Variants in SLC12A5 observed in about 807,000 individuals in gnomAD.
SLC12A5 encodes the protein solute carrier family 12 member 5.
A neutral mutation model predicts 124.0 loss-of-function variants in SLC12A5; 18 were observed. That is an observed-to-expected ratio of 0.15 (90% CI 0.10 to 0.22). The LOEUF is 0.22. SLC12A5 is among the 10% of genes least tolerant of loss of function. The pLI is 1.00. For missense variants in SLC12A5, 867 were observed against 1,478.7 expected (o/e 0.59, Z 6.78); for synonymous variants, 589 against 568.0 (o/e 1.04, Z -0.53).
chr20:46,022,962 G>GGAGGAGGAGGAGGAA (rs1187735812), exon 2 of SLC12A5: 9 of 398,198 alleles, frequency 2.3e-5, no homozygotes, highest in South Asian at 1.3e-4. Context: ...AGGAGGAGGA[G>GGAGGAGGAGGAGGAA]GAGGAGGAGG....
In SLC12A5 at chr20:46,029,312, A is replaced by T. The variant is rs1398270637; in HGVS notation, c.-33A>T. ...TAGAGGGGCGCGGGCGAGGCGGCGC[A>T]GCCATCCCCGGACCAGGGGCCGCGC... is the stretch of plus-strand genomic sequence containing the variant. On this transcript the variant is annotated 5_prime_UTR_variant, in exon 1 of 26. Coordinates refer to ENST00000243964, the MANE Select transcript of SLC12A5 (RefSeq NM_020708.5). 2 of 1,509,588 alleles carry T rather than the reference A, an allele frequency of 1.3e-6. No homozygotes were observed. Among genetic ancestry groups the T allele is most frequent in the Non-Finnish European group, 1.8e-6 (2 of 1,127,848 alleles). The allele number at this position is 1,509,588 out of a possible 1,614,324, so 93.5% of individuals were successfully genotyped here. A position where few individuals can be genotyped will look rare whatever the true frequency, so the allele number is the denominator to read the frequency against.
At chr20:46,041,115 G>A in intron 7 of SLC12A5, 1 of 518,010 alleles carries the variant, frequency 1.9e-6, no homozygotes, top group East Asian at 3.6e-5. Context: ...GCACTAATGC[G>A]GTGCTTCTCC....
At position 46,056,965 on chromosome 20, in the gene SLC12A5, CCCT is replaced by C; in HGVS notation, c.3125+59_3125+61del. Reference sequence around the variant, plus strand: ...TCTCCTAGGATGGCCAGGGTCCCTACCCTCCTCACTCTGTTGTGAACCCCTAAT... The same window carrying C: ...TCTCCTAGGATGGCCAGGGTCCCTACCCTCACTCTGTTGTGAACCCCTAAT... On this transcript the variant is annotated intron_variant, in intron 24 of 25. Transcript: ENST00000243964. This position sits in a 1 kb window ranked among gnomAD's most constrained non-coding sequence, Gnocchi z 4.3. 1 of 1,613,180 alleles carries C rather than the reference CCCT, an allele frequency of 6.2e-7. No individual in the cohort carries two copies. Among genetic ancestry groups the C allele is most frequent in the Non-Finnish European group, 8.5e-7 (1 of 1,179,238 alleles).
chr20:46,021,925 G>A, intron 1 of SLC12A5: 1 of 1,472,620 alleles, frequency 6.8e-7, no homozygotes, highest in Admixed American at 2.3e-5. Flanking sequence ...AGGGCCGGGC[G>A]GGACGAGGGG....
At chr20:46,029,144 T>C, upstream of SLC12A5, 1 of 1,398,260 alleles carries the variant, frequency 7.2e-7, no homozygotes, top group East Asian at 2.8e-5. Context: ...GCAGCGCCGC[T>C]GCTGAGAGGG....
In SLC12A5 at chr20:46,029,382, G is replaced by A; in HGVS notation, c.38G>A (p.Gly13Glu). The A allele has an allele frequency of 6.5e-7, 1 of 1,549,690 alleles. No individual in the cohort carries two copies. Among genetic ancestry groups the A allele is most frequent in the Non-Finnish European group, 8.7e-7 (1 of 1,146,566 alleles). Residue 13 changes from glycine (G) to glutamate (E), a missense_variant, in exon 1 of 26, where the codon GGG becomes GAG. Transcript: ENST00000243964. The part of the protein sequence containing the change: ...NNLTDCEDGD[G>E]GANPGDGNPK... ...CTGACGGACTGCGAGGACGGCGATG[G>A]GGGAGCCAACCCGGGTAAGCTGTGG... is the stretch of plus-strand genomic sequence containing the variant.
In SLC12A5 at chr20:46,043,584, G is replaced by T. The variant is rs546479617; in HGVS notation, c.1238-49G>T. On this transcript the variant is annotated intron_variant, in intron 9 of 25. Transcript: ENST00000243964. The stretch of plus-strand genomic sequence containing the variant: ...TGGTGCCCTTTTTTCTCATCTGTCT[G>T]GTCTCCTGTGGCCCTGGCTTGAGTC... 5.7e-6 allele frequency: 9 copies of T among 1,584,662 alleles called. No homozygotes were observed. In the East Asian group the frequency reaches 1.6e-4, roughly 28 times the overall value.
At chr20:46,051,505 T>G (rs529278874) in intron 17 of SLC12A5, among the ~76,000 whole-genome samples, 170 bp from the exon 18 acceptor site, 2 of 152,158 alleles carry the variant, frequency 1.3e-5, no homozygotes, top group Admixed American at 6.5e-5. Context: ...GGCACAGAGA[T>G]GATGGGGAGC....
intron 1 of SLC12A5, 47 bp downstream of exon 1, chr20:46,029,443 G>A (rs1235852211): frequency 1.3e-6 from 2 of 1,539,108 alleles, no homozygotes; most frequent in East Asian, 4.9e-5. Context: ...GCGAGGAGAG[G>A]AGGCAGCTCT....
At chr20:46,022,686 T>G (rs2084365104) in intron 1 of SLC12A5, 2 of 395,886 alleles carry the variant, frequency 5.1e-6, no homozygotes, top group East Asian at 3.6e-5. Context: ...TCCGTAAGGG[T>G]TGGGAGGAGC....
chr20:46,059,415 A>G lies in SLC12A5; in HGVS notation c.*1810A>G, dbSNP rs1485398188. ...ACTGGATAGATTCTTTCAGGTACTC[A>G]ATCAGGAAGCTGGAGGTGTTAGACA... On this transcript the variant is annotated 3_prime_UTR_variant, in exon 26 of 26. Coordinates refer to ENST00000243964, the MANE Select transcript of SLC12A5 (RefSeq NM_020708.5). 2.5e-6 allele frequency: 1 copy of G among 396,568 alleles called. No individual in the cohort carries two copies. The highest frequency in any genetic ancestry group is 2.1e-5 in the African/African-American group (1 of 48,584). The allele number at this position is 396,568 out of a possible 1,614,324, so 24.6% of individuals were successfully genotyped here.
Position 46,058,699 on chromosome 20 carries a change from G to A in SLC12A5, c.*1094G>A. 2.5e-6 allele frequency: 1 copy of A among 399,072 alleles called. No homozygotes were observed. Among genetic ancestry groups the A allele is most frequent in the South Asian group, 1.3e-4 (1 of 7,854 alleles). 24.7% of individuals were successfully genotyped at this position (399,072 alleles called of 1,614,324 possible). The stretch of plus-strand genomic sequence containing the variant: ...CAAAGACTGAAATTGTGGAGCTGGA[G>A]GGCGCCCCCTCCCCGGAGTTTCCTC... On this transcript the variant is annotated 3_prime_UTR_variant, in exon 26 of 26. Coordinates refer to ENST00000243964, the MANE Select transcript of SLC12A5 (RefSeq NM_020708.5). The surrounding 1 kb of genome is among the most constrained non-coding windows in gnomAD (Gnocchi z 5.8).
At chr20:46,049,145 G>C (rs987704244) in intron 16 of SLC12A5, among the ~76,000 whole-genome samples, 1 of 152,158 alleles carries the variant, frequency 6.6e-6, no homozygotes, top group Non-Finnish European at 1.5e-5. Flanking sequence ...CAAATGCTCA[G>C]CACATGGTCT....
rs776641614 is a variant in SLC12A5 at position 46,056,485 on chromosome 20, G to A, written c.3031G>A (p.Asp1011Asn). ...GAAGGTGCATCTCACCTGGACCAAG[G>A]ACAAGTCGGTGGCAGAGAAGAATAA... is the stretch of plus-strand genomic sequence containing the variant. ...PEKVHLTWTKDKSVAEKNKGP... is the reference protein window; with the variant it reads ...PEKVHLTWTKNKSVAEKNKGP... Residue 1011 changes from aspartate (D) to asparagine (N), a missense_variant, in exon 23 of 26, where the codon GAC becomes AAC. Asp to Asn is a conservative substitution (Grantham distance 23). Coordinates refer to ENST00000243964, the MANE Select transcript of SLC12A5 (RefSeq NM_020708.5). The surrounding 1 kb of genome is among the most constrained non-coding windows in gnomAD (Gnocchi z 4.3). 1.2e-6 allele frequency: 2 copies of A among 1,614,190 alleles called. No homozygotes were observed. Among genetic ancestry groups the A allele is most frequent in the Non-Finnish European group, 1.7e-6 (2 of 1,180,018 alleles).
rs3746521 is a variant in SLC12A5 at position 46,049,727 on chromosome 20, C to T, written c.2118C>T (p.Ile706=). The change falls in exon 17 of 26, where the codon ATC becomes ATT. Residue 706 remains isoleucine, a synonymous_variant. Coordinates refer to ENST00000243964, the MANE Select transcript of SLC12A5 (RefSeq NM_020708.5). ...SQLKAGKGLT[I]VGSVLEGTFL... The stretch of plus-strand genomic sequence containing the variant: ...TGAAGGCGGGGAAGGGCCTGACCAT[C>T]GTGGGCTCTGTCCTTGAGGGCACCT... 9.1e-4 allele frequency: 1,464 copies of T among 1,604,404 alleles called. 53 individuals are homozygous for T. In the East Asian group the frequency reaches 0.032, roughly 35 times the overall value.
chr20:46,029,883 TGTGTGTGCGC>T lies in SLC12A5; in HGVS notation c.52+489_52+498del, dbSNP rs1473959926. On this transcript the variant is annotated intron_variant, in intron 1 of 25. Transcript: ENST00000243964. The stretch of plus-strand genomic sequence containing the variant: ...CTGTGTGTGTGTGTGTGTGTGTGTG[TGTGTGTGCGC>T]GCGCGTGCGTATGTGTGTGTGTGCG... Among the ~76,000 whole-genome samples the T allele has an allele frequency of 4.6e-3, 246 of 53,860 alleles. 5 individuals are homozygous for T. Among genetic ancestry groups the T allele is most frequent in the Admixed American group, 0.025 (185 of 7,314 alleles). The allele number at this position is 53,860 out of a possible 152,430, so 35.3% of individuals were successfully genotyped here. A position where few individuals can be genotyped will look rare whatever the true frequency, so the allele number is the denominator to read the frequency against.
chr20:46,036,933 T>C, intron 5 of SLC12A5, 138 bp downstream of exon 5: 1 of 1,149,794 alleles, frequency 8.7e-7, no homozygotes, highest in Non-Finnish European at 1.3e-6. Context: ...TTTTCAGCCC[T>C]ATTGGGGGCA....
chr20:46,023,507 C>G (rs2084373241), exon 3 of SLC12A5: 1 of 398,914 alleles, frequency 2.5e-6, no homozygotes, highest in African/African-American at 2.1e-5. Context: ...CACTGGCCTC[C>G]CTGCCTCCAG....
intron 4 of SLC12A5, 189 bp downstream of exon 4, chr20:46,036,112 A>T (rs2084496307): frequency 1.6e-6 from 1 of 627,126 alleles, no homozygotes; most frequent in Admixed American, 3.5e-5. Context: ...GATGGCTGTT[A>T]ACCAGGTTTC....
Sources: allele counts gnomAD v4.1 joint callset (sites outside exome capture counted in the v4.1 genomes callset), GRCh38; gene constraint gnomAD v4.1.1; non-coding constraint Gnocchi (gnomAD v3.1); transcripts MANE v1.5; gene names NCBI Gene and HGNC (gene_info 2026-07-23, HGNC 2026-07-21).